ANK3: variants seen among roughly 807,000 people sequenced by gnomAD.
ANK3 encodes ankyrin 3.
ANK3 carries 57 observed loss-of-function variants against 370.9 expected under a neutral mutation model. That is an observed-to-expected ratio of 0.15 (90% CI 0.12 to 0.19). The LOEUF (loss-of-function observed/expected upper bound fraction) is 0.19. Among genes scored for constraint, ANK3 ranks in the 10% least tolerant of loss-of-function variants. The probability of loss-of-function intolerance (pLI) is 1.00; values close to 1 mark genes in which losing one functional copy is unlikely to be tolerated. For synonymous variants in ANK3, 1,929 were observed against 1,946.3 expected (o/e 0.99, Z 0.23); for missense variants, 4,439 against 5,302.1 (o/e 0.84, Z 5.06).
intron 2 of ANK3, among the ~76,000 whole-genome samples, chr10:60,456,956 GC>G (rs1275270121): frequency 1.3e-5 from 2 of 152,104 alleles, no homozygotes; most frequent in Non-Finnish European, 2.9e-5. Context: ...TTAGTTGCCT[GC>G]CCGAGTCTTC....
At chr10:60,442,974 G>T (rs1477010391) in intron 2 of ANK3, among the ~76,000 whole-genome samples, 1 of 152,142 alleles carries the variant, frequency 6.6e-6, no homozygotes, top group African/African-American at 2.4e-5. Flanking sequence ...ATACAGTTAG[G>T]TACTCAACAT....
chr10:60,178,974 A>G (rs2096063239), intron 18 of ANK3, among the ~76,000 whole-genome samples: 1 of 152,150 alleles, frequency 6.6e-6, no homozygotes, highest in Admixed American at 6.5e-5. Context: ...AGAGGACTGC[A>G]AAGGCTGTTA....
intron 36 of ANK3, 131 bp downstream of exon 36, chr10:60,080,406 T>G (rs768714284): frequency 2.6e-6 from 2 of 757,708 alleles, no homozygotes; most frequent in Admixed American, 5.1e-5. Flanking sequence ...TTAGGTTGTA[T>G]GACAGGGTTT....
intron 23 of ANK3, among the ~76,000 whole-genome samples, chr10:60,141,559 C>G (rs1175511302): frequency 1.6e-5 from 1 of 61,164 alleles, no homozygotes; most frequent in Admixed American, 2.3e-4. Context: ...ATTTCAATTG[C>G]TGTTTTTTTT....
intron 7 of ANK3, among the ~76,000 whole-genome samples, chr10:60,245,026 G>A (rs953165121): frequency 3.3e-5 from 5 of 152,128 alleles, no homozygotes; most frequent in African/African-American, 1.2e-4. Context: ...AAAATTAGCC[G>A]GGCGTGGTAG....
chr10:60,353,670 C>A (rs1243201044), intron 1 of ANK3, among the ~76,000 whole-genome samples: 1 of 152,208 alleles, frequency 6.6e-6, no homozygotes, highest in Non-Finnish European at 1.5e-5. Flanking sequence ...CTATTCCCTG[C>A]ATGTGCTGTT....
At chr10:60,286,812 T>C (rs1229089957) in intron 1 of ANK3, among the ~76,000 whole-genome samples, 3 of 152,226 alleles carry the variant, frequency 2.0e-5, no homozygotes, top group Non-Finnish European at 4.4e-5. Context: ...AGATTGGTTC[T>C]GCCAGTTGCC....
chr10:60,121,658 T>C (rs1335319445), intron 25 of ANK3, among the ~76,000 whole-genome samples: 10 of 146,764 alleles, frequency 6.8e-5, no homozygotes, highest in African/African-American at 1.0e-4. Context: ...GCTACTGCAC[T>C]CCAGTCTAGG....
chr10:60,163,267 T>C (rs899686180), intron 23 of ANK3, among the ~76,000 whole-genome samples: 4 of 152,194 alleles, frequency 2.6e-5, no homozygotes, highest in African/African-American at 7.2e-5. Flanking sequence ...GTTATATGCA[T>C]AGGTATTTTC....
rs74157815 is a variant in ANK3 at position 60,726,802 on chromosome 10, T to C, written c.57+6461A>G. Among the ~76,000 whole-genome samples, 1,369 of 152,290 alleles carry C rather than the reference T, an allele frequency of 9.0e-3. 14 individuals carry two copies. Among genetic ancestry groups the C allele is most frequent in the African/African-American group, 0.031 (1,301 of 41,574 alleles). ...GGTGAATTCTATGGTATATAAATTA[T>C]ATCACAATAAAGCTGTTTTTAAAAA... On this transcript the variant is annotated intron_variant, in intron 1 of 43. Transcript: ENST00000373827.
intron 28 of ANK3, among the ~76,000 whole-genome samples, chr10:60,092,737 T>G (rs2088901038): frequency 6.6e-6 from 1 of 152,238 alleles, no homozygotes; most frequent in South Asian, 2.1e-4. Context: ...TAATTTTGTT[T>G]TGTTTTGTTT....
rs1299747065 is a variant in ANK3, at chr10:60,083,740, T to G, written c.4075-123A>C. 6 of 792,614 alleles carry G rather than the reference T, an allele frequency of 7.6e-6. No individual in the cohort carries two copies. The East Asian group carries it at 1.7e-4, about 22-fold the overall frequency. 49.1% of individuals were successfully genotyped at this position (792,614 alleles called of 1,614,324 possible). On this transcript the variant is annotated intron_variant, in intron 32 of 43. Coordinates refer to ENST00000280772, the MANE Select transcript of ANK3 (RefSeq NM_020987.5). Reference sequence around the variant, plus strand: ...GTTACACGTGTCTCTATTAGGCAGTTACTTCTGTGGTGCTATTTGCAACAA... The same window carrying G: ...GTTACACGTGTCTCTATTAGGCAGTGACTTCTGTGGTGCTATTTGCAACAA...
chr10:60,081,333 C>T (rs1038294238), intron 35 of ANK3, among the ~76,000 whole-genome samples: 3 of 152,138 alleles, frequency 2.0e-5, no homozygotes, highest in African/African-American at 4.8e-5. Flanking sequence ...GATTCCCCCA[C>T]CCCATCCCCG....
chr10:60,310,781 C>T (rs1423962370), intron 1 of ANK3, among the ~76,000 whole-genome samples: 1 of 151,886 alleles, frequency 6.6e-6, no homozygotes, highest in Non-Finnish European at 1.5e-5. Context: ...ATTTTTTTCC[C>T]AGAAATTCAA....
At chr10:60,427,639 T>C (rs554385021) in intron 2 of ANK3, among the ~76,000 whole-genome samples, 56 of 152,270 alleles carry the variant, frequency 3.7e-4, no homozygotes, top group Admixed American at 6.5e-4. Context: ...ATGAATGCCA[T>C]TTTGATTATA....
At chr10:60,197,404 G>A (rs1018610728) in intron 14 of ANK3, among the ~76,000 whole-genome samples, 2 of 152,134 alleles carry the variant, frequency 1.3e-5, no homozygotes, top group Non-Finnish European at 2.9e-5. Flanking sequence ...ATGAGTCAGG[G>A]ATTACGGGGT....
intron 2 of ANK3, among the ~76,000 whole-genome samples, chr10:60,458,762 A>G (rs2064813044): frequency 6.6e-6 from 1 of 152,152 alleles, no homozygotes; most frequent in Non-Finnish European, 1.5e-5. Context: ...CATCAGCCAG[A>G]TTTACATGAG....
intron 1 of ANK3, among the ~76,000 whole-genome samples, chr10:60,706,976 T>C (rs1564595075): frequency 6.6e-6 from 1 of 152,216 alleles, no homozygotes; most frequent in Non-Finnish European, 1.5e-5. Flanking sequence ...TATATTTGTG[T>C]TCATATATAC....
chr10:60,139,338 C>T (rs1411219982), intron 23 of ANK3: 1 of 442,540 alleles, frequency 2.3e-6, no homozygotes, highest in South Asian at 4.8e-5. Flanking sequence ...AAAACATTAC[C>T]CGTATCCCTT....
Sources: gnomAD v4.1 joint callset for allele counts (sites outside exome capture counted in the v4.1 genomes callset) on GRCh38, gnomAD v4.1.1 for gene constraint, MANE v1.5 for transcripts, NCBI Gene and HGNC (gene_info 2026-07-23, HGNC 2026-07-21) for gene names.